Variants in PALM2AKAP2 observed in about 807,000 individuals in gnomAD.
PALM2AKAP2 encodes the protein PALM2-AKAP2 fusion protein.
Under a neutral mutation model 71.5 loss-of-function variants are expected in PALM2AKAP2, and 37 were observed. That is an observed-to-expected ratio of 0.52 (90% CI 0.40 to 0.68). The LOEUF (loss-of-function observed/expected upper bound fraction) is 0.68, where lower values mean the gene tolerates loss of function less well. PALM2AKAP2 is among the 30% of genes least tolerant of loss of function. The probability of loss-of-function intolerance (pLI) is 0.00; values close to 1 mark genes in which losing one functional copy is unlikely to be tolerated. For synonymous variants in PALM2AKAP2, 468 were observed against 478.8 expected (o/e 0.98, Z 0.29); for missense variants, 1,224 against 1,191.8 (o/e 1.03, Z -0.40).
At chr9:109,799,589 G>C (rs922365432) in intron 1 of PALM2AKAP2, among the ~76,000 whole-genome samples, 3 of 152,166 alleles carry the variant, frequency 2.0e-5, no homozygotes, top group Non-Finnish European at 2.9e-5. Context: ...GACCACCTGC[G>C]CTCAAGTGAT....
chr9:109,690,005 G>A (rs1827859134), intron 1 of PALM2AKAP2, among the ~76,000 whole-genome samples: 1 of 151,844 alleles, frequency 6.6e-6, no homozygotes, highest in Non-Finnish European at 1.5e-5. Flanking sequence ...GAATGGGGAA[G>A]AGTTTTTTTT....
chr9:109,755,568 T>A (rs1219435055), intron 1 of PALM2AKAP2, among the ~76,000 whole-genome samples: 1 of 152,148 alleles, frequency 6.6e-6, no homozygotes, highest in Non-Finnish European at 1.5e-5. Flanking sequence ...GAAGATCATT[T>A]GAACCCAGAA....
At chr9:110,100,700 G>A (rs1423393369) in intron 1 of PALM2AKAP2, among the ~76,000 whole-genome samples, 1 of 152,142 alleles carries the variant, frequency 6.6e-6, no homozygotes, top group Non-Finnish European at 1.5e-5. Context: ...TGCATCAGGG[G>A]GATTGTGTTT....
chr9:109,794,741 C>T (rs1827205157), intron 1 of PALM2AKAP2, among the ~76,000 whole-genome samples: 1 of 152,226 alleles, frequency 6.6e-6, no homozygotes. Context: ...ACACCAGCTA[C>T]AATTTTGAGT....
At chr9:109,681,909 G>A (rs2057376) in intron 1 of PALM2AKAP2, among the ~76,000 whole-genome samples, 56,047 of 151,892 alleles carry the variant, frequency 0.37, 10,636 homozygotes, top group Middle Eastern at 0.52. Context: ...TGTTGCTCAA[G>A]GCATTCAGGT....
intron 3 of PALM2AKAP2, among the ~76,000 whole-genome samples, chr9:109,892,337 C>A (rs1328704379): frequency 1.3e-5 from 2 of 152,140 alleles, no homozygotes; most frequent in Non-Finnish European, 2.9e-5. Context: ...CTCATAAAGA[C>A]CCCTATCATT....
Position 110,137,493 on chromosome 9 carries a change from G to GCGAGC in PALM2AKAP2, c.1525_1529dup (p.Lys512LeufsTer46). The GCGAGC allele has an allele frequency of 6.2e-7, 1 of 1,614,194 alleles. No individual in the cohort carries two copies. Among genetic ancestry groups the GCGAGC allele is most frequent in the Non-Finnish European group, 8.5e-7 (1 of 1,180,018 alleles). On this transcript the variant is annotated frameshift_variant, in exon 2 of 4. Coordinates refer to ENST00000374525, the Ensembl canonical transcript of PALM2AKAP2. LOFTEE classifies it high-confidence loss of function. ...TCTCAGGGGAAGGAAGGGCCCTACA[G>GCGAGC]CGAGCCTTCTAAACGTGGGCCCTTA...
At chr9:110,103,215 A>G (rs1051520683) in intron 1 of PALM2AKAP2, among the ~76,000 whole-genome samples, 7 of 152,156 alleles carry the variant, frequency 4.6e-5, no homozygotes, top group Admixed American at 4.6e-4. Flanking sequence ...TTTTTTCACA[A>G]CAATAAATTT....
intron 1 of PALM2AKAP2, among the ~76,000 whole-genome samples, chr9:109,769,722 C>T (rs551317250): frequency 3.9e-5 from 6 of 152,160 alleles, no homozygotes; most frequent in Admixed American, 6.5e-5. Context: ...GTGGACAAAC[C>T]GTTTTATTAT....
At chr9:110,076,001 T>C (rs1328441737) in intron 1 of PALM2AKAP2, among the ~76,000 whole-genome samples, 1 of 152,154 alleles carries the variant, frequency 6.6e-6, no homozygotes, top group Non-Finnish European at 1.5e-5. Context: ...AATTTGACAT[T>C]GATACAATAC....
At chr9:109,844,997 A>G (rs543707309) in intron 1 of PALM2AKAP2, among the ~76,000 whole-genome samples, 1 of 151,290 alleles carries the variant, frequency 6.6e-6, no homozygotes, top group Non-Finnish European at 1.5e-5. Flanking sequence ...ACGCTCTGGT[A>G]GGGGGGTTTC....
chr9:109,952,597 A>G (rs936561105), intron 6 of PALM2AKAP2, among the ~76,000 whole-genome samples: 4 of 152,362 alleles, frequency 2.6e-5, no homozygotes, highest in African/African-American at 9.6e-5. Flanking sequence ...TCTTGTCCTC[A>G]TCAAAAGTGC....
intron 6 of PALM2AKAP2, among the ~76,000 whole-genome samples, chr9:109,959,898 G>A (rs569893733): frequency 5.3e-5 from 8 of 152,178 alleles, no homozygotes; most frequent in Admixed American, 2.6e-4. Flanking sequence ...CATTGTGAGC[G>A]TACAAGCATC....
chr9:109,976,716 A>T lies in PALM2AKAP2; in HGVS notation c.497-39238A>T, dbSNP rs143600980. On this transcript the variant is annotated intron_variant, in intron 6 of 9. Transcript: ENST00000302798. ...ACCCTATGTGCTAGGTACTGAACTA[A>T]GTACTTTATATGTGTTATCTCATTA... is the stretch of plus-strand genomic sequence containing the variant. 9.3e-3 allele frequency among the ~76,000 whole-genome samples: 1,410 copies of T among 152,366 alleles called. 16 individuals are homozygous for T. Among genetic ancestry groups the T allele is most frequent in the African/African-American group, 0.032 (1,349 of 41,588 alleles).
chr9:109,745,487 A>AGTGTGTGTGTGTGTGTGT (rs199950779), intron 1 of PALM2AKAP2, among the ~76,000 whole-genome samples: 5 of 146,918 alleles, frequency 3.4e-5, no homozygotes, highest in African/African-American at 7.5e-5. Context: ...AGTGGCTGTC[A>AGTGTGTGTGTGTGTGTGT]GTGTGTGTGT....
chr9:109,963,098 A>G (rs1464360748), intron 6 of PALM2AKAP2, among the ~76,000 whole-genome samples: 1 of 152,182 alleles, frequency 6.6e-6, no homozygotes, highest in South Asian at 2.1e-4. Context: ...TTCGGTTTGC[A>G]CTTGTTCTTG....
intron 7 of PALM2AKAP2, among the ~76,000 whole-genome samples, chr9:110,032,218 G>A (rs1224463011): frequency 6.6e-6 from 1 of 152,028 alleles, no homozygotes; most frequent in East Asian, 1.9e-4. Flanking sequence ...CCATGTCTGT[G>A]TTATGCCACA....
intron 2 of PALM2AKAP2, among the ~76,000 whole-genome samples, chr9:109,877,598 A>G (rs971241568): frequency 7.2e-5 from 11 of 152,220 alleles, no homozygotes; most frequent in African/African-American, 2.7e-4. Flanking sequence ...GACAACAACA[A>G]TAGTAAACAT....
At chr9:110,163,381 C>T (rs1226823876) in intron 3 of PALM2AKAP2, among the ~76,000 whole-genome samples, 1 of 152,146 alleles carries the variant, frequency 6.6e-6, no homozygotes, top group Non-Finnish European at 1.5e-5. Flanking sequence ...TAAAACCCAC[C>T]TACCCAGCTT....
Sources: allele counts gnomAD v4.1 joint callset (sites outside exome capture counted in the v4.1 genomes callset), GRCh38; gene constraint gnomAD v4.1.1; transcripts MANE v1.5; gene names NCBI Gene and HGNC (gene_info 2026-07-23, HGNC 2026-07-21).